The following PRKAR1B variants were observed in gnomAD, a reference collection of about 807,000 sequenced individuals.
PRKAR1B encodes protein kinase cAMP-dependent type I regulatory subunit beta.
Under a neutral mutation model 46.5 loss-of-function variants are expected in PRKAR1B, and 22 were observed. The ratio of observed to expected loss-of-function variants is 0.47; its 90% CI spans 0.34 to 0.68. The LOEUF is 0.68. PRKAR1B is among the 30% of genes least tolerant of loss of function. The pLI is 0.01. For synonymous variants in PRKAR1B, 259 were observed against 217.7 expected (o/e 1.19, Z -1.67); for missense variants, 445 against 535.6 (o/e 0.83, Z 1.67).
At chr7:726,558 G>A (rs1296479681) in intron 1 of PRKAR1B, 3 of 479,598 alleles carry the variant, frequency 6.3e-6, no homozygotes, top group South Asian at 1.2e-4. Context: ...GGCGACAGAG[G>A]GGGACAGCGG....
chr7:560,855 C>T lies in PRKAR1B; in HGVS notation c.892-9385G>A, dbSNP rs937372164. On this transcript the variant is annotated intron_variant, in intron 9 of 10. Transcript: ENST00000537384. This position sits in a 1 kb window ranked among gnomAD's most constrained non-coding sequence, Gnocchi z 4.2. ...GTAAGAGTGGACAGACACCAAATGC[C>T]TTCTCAGGGCCACGGGGGCCACGAC... Among the ~76,000 whole-genome samples the T allele has an allele frequency of 2.0e-5, 3 of 152,188 alleles. No individual in the cohort carries two copies. The highest frequency in any genetic ancestry group is 4.4e-5 in the Non-Finnish European group (3 of 68,030).
chr7:625,350 A>G (rs1353063027), intron 4 of PRKAR1B, among the ~76,000 whole-genome samples: 2 of 152,260 alleles, frequency 1.3e-5, no homozygotes, highest in African/African-American at 4.8e-5. Context: ...TTGGGAAACT[A>G]CAACAAGAAG....
intron 1 of PRKAR1B, among the ~76,000 whole-genome samples, chr7:718,524 T>C (rs1780963458): frequency 6.6e-6 from 1 of 151,704 alleles, no homozygotes; most frequent in Non-Finnish European, 1.5e-5. Context: ...TTCCAGCAAA[T>C]TTTTGTATTT....
At chr7:598,854 C>T (rs1483672695) in intron 6 of PRKAR1B, among the ~76,000 whole-genome samples, 1 of 152,254 alleles carries the variant, frequency 6.6e-6, no homozygotes, top group African/African-American at 2.4e-5. Context: ...GGACACCACC[C>T]CCTCGAATGG....
chr7:608,557 T>C (rs1402188613), intron 4 of PRKAR1B: 3 of 152,560 alleles, frequency 2.0e-5, no homozygotes, highest in Non-Finnish European at 2.9e-5. Flanking sequence ...GGCAACTCAG[T>C]TTCCTGTTTC....
At chr7:657,108 C>CATGG (rs1347168300) in intron 4 of PRKAR1B, among the ~76,000 whole-genome samples, 2 of 137,168 alleles carry the variant, frequency 1.5e-5, no homozygotes, top group Non-Finnish European at 3.1e-5. Context: ...TGAGTGAATG[C>CATGG]ATGGATGGAT....
intron 2 of PRKAR1B, among the ~76,000 whole-genome samples, chr7:694,895 G>C (rs1177894121): frequency 6.6e-6 from 1 of 151,994 alleles, no homozygotes; most frequent in African/African-American, 2.4e-5. Flanking sequence ...AATTAGCCAG[G>C]CGTGGTGGTG....
chr7:620,850 T>C (rs1028845465), intron 4 of PRKAR1B, among the ~76,000 whole-genome samples: 1 of 152,242 alleles, frequency 6.6e-6, no homozygotes, highest in Non-Finnish European at 1.5e-5. Context: ...CAGAGCCTCA[T>C]TGTGGTCCCT....
intron 2 of PRKAR1B, among the ~76,000 whole-genome samples, chr7:689,454 C>G (rs2128514538): frequency 6.6e-6 from 1 of 152,044 alleles, no homozygotes; most frequent in East Asian, 1.9e-4. Context: ...TGCTAGAATC[C>G]AAAAACATAA....
chr7:581,120 G>A (rs924544839), intron 8 of PRKAR1B, among the ~76,000 whole-genome samples: 1 of 151,924 alleles, frequency 6.6e-6, no homozygotes, highest in African/African-American at 2.4e-5. Flanking sequence ...TGGCTAACAC[G>A]GTGAAACGCC....
At position 634,619 on chromosome 7, in the gene PRKAR1B, G is replaced by C. The variant is rs925253988; in HGVS notation, c.441-27167C>G. ...CACCCAGTGAAGCATTTAAGGCGTG[G>C]GGTCCTGGTGTCTGCAACTTACTGT... On this transcript the variant is annotated intron_variant, in intron 4 of 10. Transcript: ENST00000537384. 2.6e-5 allele frequency among the ~76,000 whole-genome samples: 4 copies of C among 151,940 alleles called. No homozygotes were observed. In the East Asian group the frequency reaches 7.7e-4, roughly 29 times the overall value.
intron 4 of PRKAR1B, among the ~76,000 whole-genome samples, chr7:636,709 C>T (rs1381450279): frequency 6.6e-6 from 1 of 152,252 alleles, no homozygotes; most frequent in Non-Finnish European, 1.5e-5. Flanking sequence ...CTCACAGAGG[C>T]TGTGCTGTAG....
intron 4 of PRKAR1B, among the ~76,000 whole-genome samples, chr7:660,143 A>C (rs948605907): frequency 5.3e-5 from 8 of 151,818 alleles, no homozygotes; most frequent in African/African-American, 1.7e-4. Flanking sequence ...TCCTGCAGAG[A>C]GGGGAGGAGC....
intron 2 of PRKAR1B, among the ~76,000 whole-genome samples, chr7:706,047 C>T (rs541874680): frequency 2.0e-5 from 3 of 152,148 alleles, no homozygotes; most frequent in South Asian, 4.2e-4. Context: ...ACAGATGAGC[C>T]GGGCGTGGTG....
At chr7:625,369 A>C (rs1223104097) in intron 4 of PRKAR1B, among the ~76,000 whole-genome samples, 4 of 152,258 alleles carry the variant, frequency 2.6e-5, no homozygotes, top group Non-Finnish European at 5.9e-5. Context: ...AGAGGAAATT[A>C]AATCCAAAGC....
intron 9 of PRKAR1B, among the ~76,000 whole-genome samples, chr7:576,629 C>T (rs754257737): frequency 4.0e-5 from 6 of 151,808 alleles, no homozygotes; most frequent in East Asian, 3.9e-4. Context: ...GCTGCCCTGT[C>T]GAGACCTGCC....
At chr7:698,056 A>AGGGAG (rs1779862655) in intron 2 of PRKAR1B, among the ~76,000 whole-genome samples, 1 of 20,630 alleles carries the variant, frequency 4.8e-5, no homozygotes, top group Non-Finnish European at 8.1e-5. Flanking sequence ...AGGGAAGGGA[A>AGGGAG]GGGAGGGGAG....
chr7:569,364 A>G (rs1239821657), intron 9 of PRKAR1B, among the ~76,000 whole-genome samples: 1 of 152,204 alleles, frequency 6.6e-6, no homozygotes, highest in African/African-American at 2.4e-5. Flanking sequence ...AAGACGTCCC[A>G]TGCCTTTGGG....
chr7:721,394 C>T (rs943513983), intron 1 of PRKAR1B, among the ~76,000 whole-genome samples: 1 of 152,180 alleles, frequency 6.6e-6, no homozygotes, highest in African/African-American at 2.4e-5. Flanking sequence ...CGCCTGTAAT[C>T]CCAGCACTTT....
Sources: gnomAD v4.1 joint callset for allele counts (sites outside exome capture counted in the v4.1 genomes callset) on GRCh38, gnomAD v4.1.1 for gene constraint, Gnocchi (gnomAD v3.1) non-coding constraint, MANE v1.5 for transcripts, NCBI Gene and HGNC (gene_info 2026-07-23, HGNC 2026-07-21) for gene names.